WWOX: variants seen among roughly 807,000 people sequenced by gnomAD.
The protein encoded by WWOX is WW domain-containing oxidoreductase.
In WWOX, 69 loss-of-function variants were observed where a neutral mutation model predicts 46.2. The observed-to-expected ratio is 1.49, with a 90% CI of 1.23 to 1.82. The LOEUF (loss-of-function observed/expected upper bound fraction) is 1.82. Among genes scored for constraint, WWOX ranks in the 40% most tolerant of loss-of-function variants. The pLI, the probability that WWOX is intolerant of heterozygous loss-of-function variation, is 0.00. For missense variants in WWOX, 919 were observed against 542.6 expected (o/e 1.69, Z -6.89); for synonymous variants, 359 against 202.6 (o/e 1.77, Z -6.56).
chr16:78,779,468 G>C (rs544021277), intron 8 of WWOX, among the ~76,000 whole-genome samples: 1 of 152,088 alleles, frequency 6.6e-6, no homozygotes, highest in Admixed American at 6.5e-5. Context: ...GGGGTATTAA[G>C]GCTCAGAAAA....
rs1054404589 is a variant in WWOX, at chr16:78,571,373, A to G, written c.1056+138621A>G. 1.7e-3 allele frequency among the ~76,000 whole-genome samples: 266 copies of G among 152,264 alleles called. 1 individual carries two copies. Among genetic ancestry groups the G allele is most frequent in the African/African-American group, 5.9e-3 (246 of 41,548 alleles). On this transcript the variant is annotated intron_variant, in intron 8 of 8. Coordinates refer to ENST00000566780, the MANE Select transcript of WWOX (RefSeq NM_016373.4). ...GAAATGTCCCATTAAATGTGTATAT[A>G]TATATATAGTGTGCATTACAGCTTA... is the stretch of plus-strand genomic sequence containing the variant.
At chr16:78,620,272 G>A (rs537398330) in intron 8 of WWOX, among the ~76,000 whole-genome samples, 1 of 152,226 alleles carries the variant, frequency 6.6e-6, no homozygotes, top group Non-Finnish European at 1.5e-5. Context: ...TTAAGGTACA[G>A]AAGAGGATTG....
At chr16:78,512,243 A>T (rs2085380468) in intron 8 of WWOX, among the ~76,000 whole-genome samples, 1 of 152,224 alleles carries the variant, frequency 6.6e-6, no homozygotes, top group Non-Finnish European at 1.5e-5. Context: ...ATTTAATATT[A>T]TCAATTGCTG....
chr16:78,737,546 T>C (rs1242927821), intron 8 of WWOX, among the ~76,000 whole-genome samples: 1 of 152,130 alleles, frequency 6.6e-6, no homozygotes, highest in Admixed American at 6.6e-5. Flanking sequence ...CCGGGCAGTG[T>C]ATACTGTAGC....
chr16:79,039,385 C>T (rs1176698730), intron 8 of WWOX, among the ~76,000 whole-genome samples: 1 of 152,112 alleles, frequency 6.6e-6, no homozygotes, highest in Admixed American at 6.5e-5. Flanking sequence ...CGAAAACGAC[C>T]CCCTTCCCCC....
At chr16:78,392,400 T>C (rs2082196043) in intron 6 of WWOX, among the ~76,000 whole-genome samples, 3 of 150,116 alleles carry the variant, frequency 2.0e-5, no homozygotes, top group South Asian at 2.1e-4. Context: ...AGCTCAGGGC[T>C]CCCACCGATT....
chr16:78,192,862 G>A (rs1419190925), intron 5 of WWOX, among the ~76,000 whole-genome samples: 3 of 152,162 alleles, frequency 2.0e-5, no homozygotes, highest in Non-Finnish European at 4.4e-5. Context: ...GAATTTTGTG[G>A]TTAGAAATTT....
intron 1 of WWOX, among the ~76,000 whole-genome samples, chr16:78,107,519 G>C (rs1301790146): frequency 2.6e-5 from 4 of 152,174 alleles, no homozygotes; most frequent in Admixed American, 2.6e-4. Flanking sequence ...TTGCAGATGA[G>C]GGGATGGAGA....
chr16:78,590,157 T>TCTCTCTCA (rs1363828681), intron 8 of WWOX, among the ~76,000 whole-genome samples: 1 of 151,894 alleles, frequency 6.6e-6, no homozygotes, highest in East Asian at 1.9e-4. Flanking sequence ...TCTCTCTCTC[T>TCTCTCTCA]CTCTCTGTTT....
chr16:78,728,916 C>A (rs533330341), intron 8 of WWOX, among the ~76,000 whole-genome samples: 1 of 152,262 alleles, frequency 6.6e-6, no homozygotes, highest in East Asian at 1.9e-4. Flanking sequence ...CTAATTTAGT[C>A]ATTCCAACGG....
At chr16:78,709,069 C>G (rs1427979486) in intron 8 of WWOX, among the ~76,000 whole-genome samples, 1 of 152,122 alleles carries the variant, frequency 6.6e-6, no homozygotes, top group Non-Finnish European at 1.5e-5. Flanking sequence ...GAAGTGACAT[C>G]ATTCATCTGA....
intron 5 of WWOX, among the ~76,000 whole-genome samples, chr16:78,302,185 T>G (rs1390707666): frequency 6.6e-6 from 1 of 152,120 alleles, no homozygotes; most frequent in African/African-American, 2.4e-5. Context: ...GGTCTCGAAC[T>G]CCTGACCTCA....
intron 8 of WWOX, among the ~76,000 whole-genome samples, chr16:78,470,333 C>A (rs1473132422): frequency 6.6e-6 from 1 of 152,188 alleles, no homozygotes; most frequent in East Asian, 1.9e-4. Context: ...CATAGTACAT[C>A]TTTGCCTCAC....
At chr16:78,848,049 C>T (rs1309431579) in intron 8 of WWOX, among the ~76,000 whole-genome samples, 4 of 152,154 alleles carry the variant, frequency 2.6e-5, no homozygotes, top group Non-Finnish European at 5.9e-5. Flanking sequence ...CCTCTAGAGT[C>T]ATCTAGCTAC....
In WWOX at chr16:78,961,441, A is replaced by G. The variant is rs115519855; in HGVS notation, c.1057-250167A>G. Among the ~76,000 whole-genome samples the G allele has an allele frequency of 4.1e-3, 619 of 151,944 alleles. 6 individuals are homozygous for G. Among genetic ancestry groups the G allele is most frequent in the African/African-American group, 0.014 (571 of 41,392 alleles). ...AGATATATAGCTATGGGATACATGG[A>G]TGGATGGATGGATGGGTGGATGGAT... On this transcript the variant is annotated intron_variant, in intron 8 of 8. Transcript: ENST00000566780.
chr16:78,132,524 T>C (rs1393201690), intron 4 of WWOX, among the ~76,000 whole-genome samples: 1 of 152,236 alleles, frequency 6.6e-6, no homozygotes. Context: ...TTAATACGTA[T>C]GCGGCCATGT....
chr16:78,229,143 T>A (rs1218409640), intron 5 of WWOX, among the ~76,000 whole-genome samples: 1 of 152,120 alleles, frequency 6.6e-6, no homozygotes, highest in East Asian at 1.9e-4. Flanking sequence ...CTCCCATTGG[T>A]TGAATTTAAT....
At chr16:79,110,210 G>T (rs2049390755) in intron 8 of WWOX, among the ~76,000 whole-genome samples, 1 of 152,088 alleles carries the variant, frequency 6.6e-6, no homozygotes, top group African/African-American at 2.4e-5. Flanking sequence ...TCACTGATTG[G>T]CAACCACCAG....
intron 8 of WWOX, among the ~76,000 whole-genome samples, chr16:78,649,490 T>TGGG (rs2046917891): frequency 6.6e-6 from 1 of 152,088 alleles, no homozygotes. Flanking sequence ...TTGCCCAGGC[T>TGGG]GGTGTTGAAC....
Sources: allele counts gnomAD v4.1 joint callset (sites outside exome capture counted in the v4.1 genomes callset), GRCh38; gene constraint gnomAD v4.1.1; transcripts MANE v1.5; gene names NCBI Gene and HGNC (gene_info 2026-07-23, HGNC 2026-07-21).